DAGLA: variants seen among roughly 807,000 people sequenced by gnomAD.
The protein encoded by DAGLA is diacylglycerol lipase-alpha.
DAGLA carries 22 observed loss-of-function variants against 102.6 expected under a neutral mutation model. The ratio of observed to expected loss-of-function variants is 0.21; its 90% confidence interval spans 0.15 to 0.31. DAGLA has a LOEUF of 0.31. Among genes scored for constraint, DAGLA ranks in the 10% least tolerant of loss-of-function variants. DAGLA has a pLI of 1.00. For synonymous variants in DAGLA, 578 were observed against 628.9 expected (o/e 0.92, Z 1.21); for missense variants, 927 against 1,446.6 (o/e 0.64, Z 5.83).
rs537492528 is a variant in DAGLA, at chr11:61,707,600, G to A, written c.-44-12512G>A. On this transcript the variant is annotated intron_variant, in intron 1 of 19. Coordinates refer to ENST00000257215, the MANE Select transcript of DAGLA (RefSeq NM_006133.3). ...AGAAGCATGCAGGAAAGTGGGTCAC[G>A]GGCTTACCTGGTCATTTGTGGGCTG... Among the ~76,000 whole-genome samples, 6 of 152,390 alleles carry A rather than the reference G, an allele frequency of 3.9e-5. No homozygotes were observed. In the South Asian group the frequency reaches 1.2e-3, roughly 32 times the overall value.
rs2065422777 is a variant in DAGLA at position 61,736,332 on chromosome 11, G to A, written c.1353G>A (p.Gln451=). The change falls in exon 13 of 20, where the codon CAG becomes CAA. Residue 451 remains glutamine (Q), a synonymous_variant. Transcript: ENST00000257215. ...KKLEQEMVLS[Q]AFGRDLGRGT... ...TGGAGCAGGAGATGGTCCTGTCCCA[G>A]GCCTTTGGGCGAGACCTGGTGAGGA... The A allele has an allele frequency of 6.2e-7, 1 of 1,614,118 alleles. No homozygotes were observed. Among genetic ancestry groups the A allele is most frequent in the Non-Finnish European group, 8.5e-7 (1 of 1,179,990 alleles).
At chr11:61,720,545 A>G in intron 2 of DAGLA, 134 bp from the exon 3 acceptor site, 8 of 817,144 alleles carry the variant, frequency 9.8e-6, no homozygotes, top group South Asian at 4.9e-5. Flanking sequence ...CAGGTGGACA[A>G]TGGTCTTATG....
At chr11:61,692,017 C>G (rs893754408) in intron 1 of DAGLA, among the ~76,000 whole-genome samples, 1 of 152,162 alleles carries the variant, frequency 6.6e-6, no homozygotes, top group African/African-American at 2.4e-5. Flanking sequence ...CTGGCTGGGC[C>G]CAGATGTGCA....
intron 19 of DAGLA, 60 bp downstream of exon 19, chr11:61,741,409 T>TTG: frequency 6.5e-7 from 1 of 1,533,078 alleles, no homozygotes; most frequent in South Asian, 1.2e-5. Context: ...GCACATAGAC[T>TTG]TGTGTGCACA....
intron 1 of DAGLA, among the ~76,000 whole-genome samples, chr11:61,682,061 A>C (rs11230779): frequency 6.7e-6 from 1 of 149,128 alleles, no homozygotes; most frequent in Non-Finnish European, 1.5e-5. Context: ...GTGGTCGCCA[A>C]ATTGCCAAGG....
At chr11:61,743,226 A>G (rs1035132591) in intron 19 of DAGLA, among the ~76,000 whole-genome samples, 1 of 152,028 alleles carries the variant, frequency 6.6e-6, no homozygotes, top group Non-Finnish European at 1.5e-5. Flanking sequence ...TTAGCCAGGC[A>G]TGGTGGCGGG....
intron 4 of DAGLA, 151 bp downstream of exon 4, chr11:61,723,111 A>C (rs1289217112): frequency 1.4e-6 from 1 of 711,060 alleles, no homozygotes. Flanking sequence ...TGCTTCCCTC[A>C]CCCTTGAGGC....
At chr11:61,722,523 T>C (rs914552818) in intron 3 of DAGLA, among the ~76,000 whole-genome samples, 2 of 152,022 alleles carry the variant, frequency 1.3e-5, no homozygotes, top group African/African-American at 4.8e-5. Flanking sequence ...GAGGCAGAGG[T>C]TGCAGTGAGT....
chr11:61,696,453 C>G (rs867211753), intron 1 of DAGLA, among the ~76,000 whole-genome samples: 2 of 152,170 alleles, frequency 1.3e-5, no homozygotes, highest in African/African-American at 4.8e-5. Flanking sequence ...GGGGCCGGGG[C>G]GCTCCCTGAA....
At chr11:61,737,923 C>T (rs771629256) in intron 15 of DAGLA, among the ~76,000 whole-genome samples, 168 bp downstream of exon 15, 63 of 152,068 alleles carry the variant, frequency 4.1e-4, no homozygotes, top group Non-Finnish European at 7.2e-4. Flanking sequence ...CCCAGGTGAA[C>T]GCACGTGCTG....
intron 5 of DAGLA, 110 bp downstream of exon 5, chr11:61,723,682 C>T: frequency 1.4e-6 from 2 of 1,401,146 alleles, no homozygotes; most frequent in South Asian, 1.3e-5. Flanking sequence ...GCATGCCAAC[C>T]TCGTGTGAGC....
rs771590644 is a variant in DAGLA at position 61,722,966 on chromosome 11, TCTGGGTGAGGCCTG to T, written c.409+11_409+24del. The T allele has an allele frequency of 2.5e-6, 4 of 1,607,724 alleles. No homozygotes were observed. Reference sequence around the variant, plus strand: ...TGCCAAGAATGTCACCCTCGGTACGTCTGGGTGAGGCCTGCTGGAGCCTCAGCAGCCCCGGGGGC... The same window carrying T: ...TGCCAAGAATGTCACCCTCGGTACGTCTGGAGCCTCAGCAGCCCCGGGGGC... On this transcript the variant is annotated splice_region_variant and intron_variant, in intron 4 of 19. Coordinates refer to ENST00000257215, the MANE Select transcript of DAGLA (RefSeq NM_006133.3).
At chr11:61,721,205 C>T (rs757398777) in intron 3 of DAGLA, among the ~76,000 whole-genome samples, 8 of 152,034 alleles carry the variant, frequency 5.3e-5, no homozygotes, top group South Asian at 2.1e-4. Flanking sequence ...ACCAGCCTGG[C>T]GAACATGGGG....
chr11:61,737,119 T>G, intron 13 of DAGLA, 63 bp from the exon 14 acceptor site: 2 of 1,605,078 alleles, frequency 1.2e-6, no homozygotes, highest in Non-Finnish European at 8.5e-7. Flanking sequence ...CTCCCTTGGG[T>G]TGGCTAAGAC....
rs183021560 is a variant in DAGLA at position 61,686,226 on chromosome 11, G to A, written c.-45+5722G>A. Among the ~76,000 whole-genome samples the A allele has an allele frequency of 6.6e-6, 1 of 152,230 alleles. No individual in the cohort carries two copies. The highest frequency in any genetic ancestry group is 2.4e-5 in the African/African-American group (1 of 41,530). On this transcript the variant is annotated intron_variant, in intron 1 of 19. Transcript: ENST00000257215. The surrounding 1 kb of genome is among the most constrained non-coding windows in gnomAD (Gnocchi z 5.2). ...TGTGGTCACTAGGAGGGGAAGGGGT[G>A]GGAAGTGGGGCCAGGAAGCTGAGCT...
At chr11:61,741,055 A>T in intron 18 of DAGLA, 107 bp from the exon 19 acceptor site, 1 of 1,126,060 alleles carries the variant, frequency 8.9e-7, no homozygotes. Flanking sequence ...AAGTGACTCC[A>T]TGAGGCTTTG....
chr11:61,687,930 A>G (rs2064998167), intron 1 of DAGLA, among the ~76,000 whole-genome samples: 1 of 152,172 alleles, frequency 6.6e-6, no homozygotes, highest in Non-Finnish European at 1.5e-5. Context: ...CCCTGTCTGT[A>G]TAATAGCAGC....
At chr11:61,690,985 C>T (rs1362095398) in intron 1 of DAGLA, among the ~76,000 whole-genome samples, 1 of 152,200 alleles carries the variant, frequency 6.6e-6, no homozygotes, top group Non-Finnish European at 1.5e-5. Flanking sequence ...GCTCGCACAG[C>T]ATGGCTCCTC....
chr11:61,731,268 G>C (rs749594983), intron 8 of DAGLA, 49 bp from the exon 9 acceptor site: 1 of 1,607,382 alleles, frequency 6.2e-7, no homozygotes, highest in South Asian at 1.1e-5. Context: ...CCCTGAGGCT[G>C]TAGGCAGGAA....
Sources: allele counts gnomAD v4.1 joint callset (sites outside exome capture counted in the v4.1 genomes callset), GRCh38; gene constraint gnomAD v4.1.1; non-coding constraint Gnocchi (gnomAD v3.1); transcripts MANE v1.5; gene names NCBI Gene and HGNC (gene_info 2026-07-23, HGNC 2026-07-21).